Variants in EREG observed in about 807,000 individuals in gnomAD.
The protein encoded by EREG is proepiregulin.
Under a neutral mutation model 22.4 loss-of-function variants are expected in EREG, and 23 were observed. The ratio of observed to expected loss-of-function variants is 1.03; its 90% CI spans 0.74 to 1.46. The LOEUF is 1.46. Ranked by LOEUF, EREG falls within the 40% of genes most tolerant of loss-of-function variation. The probability of loss-of-function intolerance (pLI) is 0.00; values close to 1 mark genes in which losing one functional copy is unlikely to be tolerated. For synonymous variants in EREG, 100 were observed against 75.4 expected (o/e 1.33, Z -1.69); for missense variants, 226 against 205.9 (o/e 1.10, Z -0.60).
chr4:74,369,689 A>C (rs1392463148), intron 1 of EREG, among the ~76,000 whole-genome samples: 1 of 152,176 alleles, frequency 6.6e-6, no homozygotes, highest in Admixed American at 6.5e-5. Flanking sequence ...ACACATCTTT[A>C]TATATGTAAG....
At chr4:74,365,783 G>T (rs1263635515) in intron 1 of EREG, among the ~76,000 whole-genome samples, 1 of 151,282 alleles carries the variant, frequency 6.6e-6, no homozygotes, top group Non-Finnish European at 1.5e-5. Context: ...ACTAGCGTAA[G>T]AAATTTTTTG....
At chr4:74,377,011 G>C (rs182136427) in intron 1 of EREG, among the ~76,000 whole-genome samples, 1 of 151,876 alleles carries the variant, frequency 6.6e-6, no homozygotes, top group East Asian at 1.9e-4. Flanking sequence ...TGTATTACAC[G>C]AATTAAATCT....
chr4:74,369,008 C>T (rs780976139), intron 1 of EREG, among the ~76,000 whole-genome samples: 2 of 151,974 alleles, frequency 1.3e-5, no homozygotes, highest in Non-Finnish European at 1.5e-5. Flanking sequence ...GGTTGAGTGG[C>T]CTTCTAGGTT....
At position 74,371,333 on chromosome 4, in the gene EREG, C is replaced by T. The variant is rs1011761290; in HGVS notation, c.67+5958C>T. On this transcript the variant is annotated intron_variant, in intron 1 of 4. Transcript: ENST00000244869. ...AAGCCCATTCTCATGTTTAAAAAAT[C>T]AGCTTGGCAATATTTATTGCTGATT... Among the ~76,000 whole-genome samples the T allele has an allele frequency of 2.4e-4, 36 of 152,062 alleles. 2 individuals carry two copies. Among genetic ancestry groups the T allele is most frequent in the African/African-American group, 2.4e-5 (1 of 41,388 alleles).
Position 74,387,329 on chromosome 4 carries a change from C to CA in EREG, c.*2528dup, listed in dbSNP as rs1256973460. 1.3e-5 allele frequency: 2 copies of CA among 151,682 alleles called. No individual in the cohort carries two copies. The highest frequency in any genetic ancestry group is 1.9e-4 in the East Asian group (1 of 5,170). 9.4% of individuals were successfully genotyped at this position (151,682 alleles called of 1,614,324 possible). A position where few individuals can be genotyped will look rare whatever the true frequency, so the allele number is the denominator to read the frequency against. On this transcript the variant is annotated 3_prime_UTR_variant, in exon 5 of 5. Coordinates refer to ENST00000244869, the MANE Select transcript of EREG (RefSeq NM_001432.3). ...ATATTTTCAGTGATCTTGGCTGTTT[C>CA]AAAAAAATCTATTGACTTTTCAATA...
rs1752606087 is a variant in EREG at position 74,388,292 on chromosome 4, T to C, written c.*3484T>C. Reference sequence around the variant, plus strand: ...TATATTCTGACCGTTAAAAAATTCTTGTTCATATGGGAGAAGGGGGAGTAA... The same window carrying C: ...TATATTCTGACCGTTAAAAAATTCTCGTTCATATGGGAGAAGGGGGAGTAA... On this transcript the variant is annotated 3_prime_UTR_variant, in exon 5 of 5. Coordinates refer to ENST00000244869, the MANE Select transcript of EREG (RefSeq NM_001432.3). 6.6e-6 allele frequency: 1 copy of C among 152,228 alleles called. No individual in the cohort carries two copies. The highest frequency in any genetic ancestry group is 1.5e-5 in the Non-Finnish European group (1 of 68,020). 9.4% of individuals were successfully genotyped at this position (152,228 alleles called of 1,614,324 possible).
Position 74,384,719 on chromosome 4 carries a change from A to G in EREG, c.429-8A>G, listed in dbSNP as rs1455399237. 2 of 1,582,034 alleles carry G rather than the reference A, an allele frequency of 1.3e-6. No individual in the cohort carries two copies. The highest frequency in any genetic ancestry group is 2.7e-5 in the African/African-American group (2 of 74,364). On this transcript the variant is annotated splice_polypyrimidine_tract_variant and splice_region_variant and intron_variant, in intron 4 of 4. Transcript: ENST00000244869. ...AGTGCTAACAGTTTCGTTTGTGAAT[A>G]TTTCCAGGTACAGAAATCGAAAAAG...
intron 1 of EREG, among the ~76,000 whole-genome samples, chr4:74,376,604 T>G (rs1578819717): frequency 6.6e-6 from 1 of 152,246 alleles, no homozygotes; most frequent in East Asian, 1.9e-4. Context: ...GCTATTTCTT[T>G]GTCATTCAAC....
intron 1 of EREG, among the ~76,000 whole-genome samples, chr4:74,376,277 A>G (rs1752381529): frequency 6.6e-6 from 1 of 152,138 alleles, no homozygotes; most frequent in Admixed American, 6.5e-5. Context: ...CTAGCTTCAA[A>G]TGTGCATTTT....
chr4:74,384,772 A>G lies in EREG; in HGVS notation c.474A>G (p.Arg158=). Residue 158 remains arginine (R), a synonymous_variant, in exon 5 of 5, where the codon AGA becomes AGG. Coordinates refer to ENST00000244869, the MANE Select transcript of EREG (RefSeq NM_001432.3). The part of the protein sequence containing the change: ...KSKEPKKEYE[R]VTSGDPELPQ... ...AAGAACCAAAGAAGGAATATGAGAG[A>G]GTTACCTCAGGGGATCCAGAGTTGC... is the stretch of plus-strand genomic sequence containing the variant. The G allele has an allele frequency of 6.2e-7, 1 of 1,613,424 alleles. No individual in the cohort carries two copies. The highest frequency in any genetic ancestry group is 8.5e-7 in the Non-Finnish European group (1 of 1,179,464).
chr4:74,378,427 C>T (rs972473279), intron 1 of EREG, among the ~76,000 whole-genome samples: 2 of 152,096 alleles, frequency 1.3e-5, no homozygotes, highest in East Asian at 1.9e-4. Flanking sequence ...TGTCATTATC[C>T]CCCACGGTAG....
intron 1 of EREG, among the ~76,000 whole-genome samples, chr4:74,378,797 A>C (rs1187496917): frequency 6.6e-6 from 1 of 152,192 alleles, no homozygotes; most frequent in Non-Finnish European, 1.5e-5. Flanking sequence ...CACTGAATAC[A>C]CATGATGAAA....
chr4:74,380,678 A>C (rs1452797681), intron 2 of EREG, among the ~76,000 whole-genome samples: 1 of 152,138 alleles, frequency 6.6e-6, no homozygotes, highest in African/African-American at 2.4e-5. Context: ...AATTAGACAA[A>C]TTTTGCTTGA....
At chr4:74,377,321 A>G (rs191914519) in intron 1 of EREG, among the ~76,000 whole-genome samples, 3 of 152,212 alleles carry the variant, frequency 2.0e-5, no homozygotes, top group East Asian at 1.9e-4. Flanking sequence ...TGTGGCCTCT[A>G]TGTTGGGTTA....
At position 74,385,113 on chromosome 4, in the gene EREG, T is replaced by A. The variant is rs534522017; in HGVS notation, c.*305T>A. On this transcript the variant is annotated 3_prime_UTR_variant, in exon 5 of 5. Transcript: ENST00000244869. The stretch of plus-strand genomic sequence containing the variant: ...GTGCACAGTGCTTAGAAGTAAGCAA[T>A]TCCCAGGTCATAGCTCAAGAATTGT... 1 of 218,846 alleles carries A rather than the reference T, an allele frequency of 4.6e-6. No homozygotes were observed. The highest frequency in any genetic ancestry group is 5.4e-5 in the Admixed American group (1 of 18,414). The allele number at this position is 218,846 out of a possible 1,614,324, so 13.6% of individuals were successfully genotyped here. A position where few individuals can be genotyped will look rare whatever the true frequency, so the allele number is the denominator to read the frequency against.
At chr4:74,382,854 A>G in intron 4 of EREG, 60 bp downstream of exon 4, 1 of 1,241,172 alleles carries the variant, frequency 8.1e-7, no homozygotes, top group Non-Finnish European at 1.1e-6. Context: ...ATGCAGACCT[A>G]TAAACTGGGT....
At chr4:74,384,679 T>C in intron 4 of EREG, 48 bp from the exon 5 acceptor site, 1 of 1,090,574 alleles carries the variant, frequency 9.2e-7, no homozygotes, top group African/African-American at 1.5e-5. Flanking sequence ...CACTTGTTCC[T>C]TTGCTATTAA....
At chr4:74,381,999 A>C in intron 3 of EREG, 1 of 143,254 alleles carries the variant, frequency 7.0e-6, no homozygotes, top group Admixed American at 7.2e-5. Flanking sequence ...AAAAAAAAAA[A>C]AAAAAAAAAA....
At chr4:74,380,984 A>T in intron 2 of EREG, 30 bp from the exon 3 acceptor site, 1 of 1,606,444 alleles carries the variant, frequency 6.2e-7, no homozygotes, top group Non-Finnish European at 8.5e-7. Context: ...AAGGCTGCAG[A>T]ATATATTCAA....
Sources: gnomAD v4.1 joint callset for allele counts (sites outside exome capture counted in the v4.1 genomes callset) on GRCh38, gnomAD v4.1.1 for gene constraint, MANE v1.5 for transcripts, NCBI Gene and HGNC (gene_info 2026-07-23, HGNC 2026-07-21) for gene names.